The following ZNF506 variants were observed in gnomAD, a reference collection of about 807,000 sequenced individuals.
ZNF506 encodes zinc finger protein 506.
Under a neutral mutation model 11.6 loss-of-function variants are expected in ZNF506, and 10 were observed. That is an observed-to-expected ratio of 0.86 (90% CI 0.53 to 1.46). The LOEUF (loss-of-function observed/expected upper bound fraction) is 1.46. Ranked by LOEUF, ZNF506 falls within the 40% of genes most tolerant of loss-of-function variation. The probability of loss-of-function intolerance (pLI) is 0.00; values close to 1 mark genes in which losing one functional copy is unlikely to be tolerated. For synonymous variants in ZNF506, 156 were observed against 173.3 expected (o/e 0.90, Z 0.78); for missense variants, 425 against 521.2 (o/e 0.82, Z 1.80).
intron 3 of ZNF506, chr19:19,797,869 G>C (rs2062756465): frequency 6.6e-6 from 1 of 152,128 alleles, no homozygotes; most frequent in Non-Finnish European, 1.5e-5. Context: ...AATAAAAAAA[G>C]ATGTCAAGTG....
chr19:19,801,828 A>G (rs2062796163), intron 3 of ZNF506, among the ~76,000 whole-genome samples: 2 of 151,552 alleles, frequency 1.3e-5, no homozygotes, highest in Admixed American at 6.6e-5. Flanking sequence ...AAAGCACACT[A>G]ATGTGGAACT....
At chr19:19,805,789 T>C (rs1282744845) in intron 3 of ZNF506, among the ~76,000 whole-genome samples, 3 of 152,068 alleles carry the variant, frequency 2.0e-5, no homozygotes, top group Non-Finnish European at 2.9e-5. Context: ...CAGTGTGAAC[T>C]TGAAGGAAGC....
chr19:19,814,027 A>G (rs996398322), intron 1 of ZNF506, among the ~76,000 whole-genome samples: 1 of 152,154 alleles, frequency 6.6e-6, no homozygotes, highest in Non-Finnish European at 1.5e-5. Flanking sequence ...AAAATATGGT[A>G]CATCATGGAG....
chr19:19,795,555 A>G lies in ZNF506; in HGVS notation c.332T>C (p.Leu111Ser), dbSNP rs2062733731. 6.3e-7 allele frequency: 1 copy of G among 1,599,032 alleles called. No individual in the cohort carries two copies. The highest frequency in any genetic ancestry group is 8.5e-7 in the Non-Finnish European group (1 of 1,175,038). The change falls in exon 4 of 4, where the codon TTA becomes TCA. Residue 111 changes from leucine (L) to serine (S), a missense_variant. Coordinates refer to ENST00000540806, the MANE Select transcript of ZNF506 (RefSeq NM_001099269.3). ...ACTTTCACAGCCTTTTTTTAACTGTAAATTGTCATGTCTACATTTTTCATA... is the reference window on the plus strand; with the variant it reads ...ACTTTCACAGCCTTTTTTTAACTGTGAATTGTCATGTCTACATTTTTCATA... ...RRYEKCRHDN[L>S]QLKKGCESVD...
At chr19:19,796,143 G>A (rs1459182732) in intron 3 of ZNF506, 1 of 162,292 alleles carries the variant, frequency 6.2e-6, no homozygotes, top group Non-Finnish European at 1.4e-5. Context: ...TTAGCCAGGT[G>A]TGGTAACAGA....
intron 1 of ZNF506, among the ~76,000 whole-genome samples, chr19:19,818,909 AC>A (rs2062951474): frequency 6.6e-6 from 1 of 152,064 alleles, no homozygotes; most frequent in Admixed American, 6.6e-5. Flanking sequence ...AATCACTTGA[AC>A]CCAGGAGCCA....
intron 3 of ZNF506, 47 bp from the exon 4 acceptor site, chr19:19,795,707 T>C: frequency 6.9e-7 from 1 of 1,447,032 alleles, no homozygotes; most frequent in African/African-American, 1.4e-5. Flanking sequence ...TAGACTCAGA[T>C]AAATATACTT....
At chr19:19,795,765 A>T in intron 3 of ZNF506, 105 bp from the exon 4 acceptor site, 1 of 1,066,502 alleles carries the variant, frequency 9.4e-7, no homozygotes, top group Non-Finnish European at 1.3e-6. Flanking sequence ...GCAAGATGAC[A>T]CAGCAAAATA....
At chr19:19,821,506 G>A (rs1228362370) in intron 1 of ZNF506, 95 bp downstream of exon 1, 1 of 1,520,496 alleles carries the variant, frequency 6.6e-7, no homozygotes, top group Non-Finnish European at 9.1e-7. Flanking sequence ...CTGCCGGGAG[G>A]CCTGAGTTCT....
chr19:19,798,579 C>G (rs1041269442), intron 3 of ZNF506: 9 of 130,126 alleles, frequency 6.9e-5, no homozygotes, highest in African/African-American at 2.7e-4. Context: ...GGTGTGAACC[C>G]GGGAGGCGGA....
chr19:19,803,815 A>AT (rs759481894), intron 3 of ZNF506, among the ~76,000 whole-genome samples: 2 of 152,234 alleles, frequency 1.3e-5, no homozygotes, highest in Non-Finnish European at 2.9e-5. Flanking sequence ...CAGTGCTTCT[A>AT]TTTTAATCTA....
Position 19,794,291 on chromosome 19 carries a change from CA to C in ZNF506, c.*260del. The C allele has an allele frequency of 3.3e-6, 1 of 300,252 alleles. No homozygotes were observed. Among genetic ancestry groups the C allele is most frequent in the Non-Finnish European group, 6.1e-6 (1 of 162,790 alleles). 18.6% of individuals were successfully genotyped at this position (300,252 alleles called of 1,614,324 possible). A position where few individuals can be genotyped will look rare whatever the true frequency, so the allele number is the denominator to read the frequency against. ...TGCCATTGCACTCCAGCCTGGGTGA[CA>C]AGAGTGAAACTCCATCTCAAAAAAC... On this transcript the variant is annotated 3_prime_UTR_variant, in exon 4 of 4. Transcript: ENST00000540806.
At position 19,793,491 on chromosome 19, in the gene ZNF506, G is replaced by A. The variant is rs991990869; in HGVS notation, c.*1061C>T. ...AATAAAGCTGGAGCAACTGCTTCAGGTTTTCCTCTAGTACACAATGTGTGC... is the reference window on the plus strand; with the variant it reads ...AATAAAGCTGGAGCAACTGCTTCAGATTTTCCTCTAGTACACAATGTGTGC... On this transcript the variant is annotated 3_prime_UTR_variant, in exon 4 of 4. Coordinates refer to ENST00000540806, the MANE Select transcript of ZNF506 (RefSeq NM_001099269.3). 6.6e-6 allele frequency among the ~76,000 whole-genome samples: 1 copy of A among 152,030 alleles called. No homozygotes were observed.
At chr19:19,812,957 TCATCTC>T (rs1210763124) in intron 1 of ZNF506, among the ~76,000 whole-genome samples, 3 of 152,234 alleles carry the variant, frequency 2.0e-5, no homozygotes, top group African/African-American at 2.4e-5. Flanking sequence ...TGCTGCTCTC[TCATCTC>T]CTAGCCATTG....
chr19:19,810,662 C>CT (rs1391906566), intron 1 of ZNF506, among the ~76,000 whole-genome samples: 1 of 152,072 alleles, frequency 6.6e-6, no homozygotes, highest in Non-Finnish European at 1.5e-5. Flanking sequence ...TTCATATTTA[C>CT]TTTTTTGTGA....
At chr19:19,808,565 G>A (rs1001244790) in intron 1 of ZNF506, among the ~76,000 whole-genome samples, 2 of 150,480 alleles carry the variant, frequency 1.3e-5, no homozygotes, top group Non-Finnish European at 3.0e-5. Context: ...TCAGTTTTAG[G>A]CCAGGCGCAG....
intron 1 of ZNF506, among the ~76,000 whole-genome samples, chr19:19,809,010 C>T (rs908713024): frequency 3.3e-5 from 5 of 151,930 alleles, no homozygotes; most frequent in African/African-American, 9.7e-5. Flanking sequence ...TAATAAATGC[C>T]ATCTCATTTA....
chr19:19,819,687 G>C (rs1402060383), intron 1 of ZNF506, among the ~76,000 whole-genome samples: 1 of 152,212 alleles, frequency 6.6e-6, no homozygotes, highest in Non-Finnish European at 1.5e-5. Context: ...AAAAGACAAA[G>C]AGGCACAGAT....
intron 1 of ZNF506, among the ~76,000 whole-genome samples, chr19:19,819,154 C>T (rs1222850677): frequency 1.3e-5 from 2 of 152,092 alleles, no homozygotes; most frequent in Non-Finnish European, 2.9e-5. Flanking sequence ...GTGCATTTTA[C>T]TTTGTTAAGT....
Sources: allele counts gnomAD v4.1 joint callset (sites outside exome capture counted in the v4.1 genomes callset), GRCh38; gene constraint gnomAD v4.1.1; transcripts MANE v1.5; gene names NCBI Gene and HGNC (gene_info 2026-07-23, HGNC 2026-07-21).